WDR72: variants seen among roughly 807,000 people sequenced by gnomAD.
WDR72 encodes WD repeat domain 72.
In WDR72, 120 loss-of-function variants were observed where a neutral mutation model predicts 124.2. The observed-to-expected ratio is 0.97, with a 90% CI of 0.83 to 1.12. The LOEUF is 1.12. Ranked by LOEUF, WDR72 falls within the 50% of genes most tolerant of loss-of-function variation. WDR72 has a pLI of 0.00. For synonymous variants in WDR72, 452 were observed against 441.7 expected (o/e 1.02, Z -0.29); for missense variants, 1,387 against 1,278.8 (o/e 1.08, Z -1.29).
intron 1 of WDR72, among the ~76,000 whole-genome samples, chr15:53,751,239 T>C (rs1599432): frequency 0.39 from 57,407 of 146,714 alleles, 11,057 homozygotes; most frequent in Middle Eastern, 0.49. Context: ...TGAGACTACT[T>C]TAAAAAAAAA....
chr15:53,742,338 C>T (rs868040361), intron 1 of WDR72, among the ~76,000 whole-genome samples: 5 of 151,926 alleles, frequency 3.3e-5, no homozygotes, highest in Admixed American at 6.6e-5. Context: ...CTCTGTGGTG[C>T]GGAGGAGAAA....
At chr15:53,677,911 T>G (rs2016233013) in intron 13 of WDR72, among the ~76,000 whole-genome samples, 1 of 152,194 alleles carries the variant, frequency 6.6e-6, no homozygotes, top group South Asian at 2.1e-4. Flanking sequence ...TCCCGTTAAC[T>G]GCAAAGAAAT....
intron 18 of WDR72, among the ~76,000 whole-genome samples, chr15:53,531,959 G>T (rs905284050): frequency 4.6e-5 from 7 of 152,072 alleles, no homozygotes. Context: ...GAAAACAATC[G>T]TAAGGCAGAA....
chr15:53,653,139 T>C (rs1242142940), intron 14 of WDR72, among the ~76,000 whole-genome samples: 2 of 152,090 alleles, frequency 1.3e-5, no homozygotes, highest in African/African-American at 4.8e-5. Flanking sequence ...CTCTTACAAT[T>C]CAAAAAAGGA....
In WDR72 at chr15:53,532,621, G is replaced by A. The variant is rs116031528; in HGVS notation, c.3149-9299C>T. ...AACTCTTAGAGATAGAGAGTAGAAT[G>A]ATGGTAACTAAAAGAAGGTTAGTGG... On this transcript the variant is annotated intron_variant, in intron 18 of 19. Transcript: ENST00000360509. 8.0e-3 allele frequency among the ~76,000 whole-genome samples: 1,220 copies of A among 152,102 alleles called. 17 individuals are homozygous for A. The highest frequency in any genetic ancestry group is 0.028 in the African/African-American group (1,180 of 41,516).
chr15:53,609,567 C>G lies in WDR72; in HGVS notation c.2898G>C (p.Glu966Asp). 1 of 1,613,456 alleles carries G rather than the reference C, an allele frequency of 6.2e-7. No homozygotes were observed. Among genetic ancestry groups the G allele is most frequent in the Non-Finnish European group, 8.5e-7 (1 of 1,179,608 alleles). Residue 966 changes from glutamate (E) to aspartate (D), a missense_variant, in exon 17 of 20, where the codon GAG becomes GAC. Coordinates refer to ENST00000360509, the MANE Select transcript of WDR72 (RefSeq NM_182758.4). ...RNGKNESHVP[E>D]ADLSLLKLIS... ...TTAGCTTCAAAAGTGAAAGGTCAGC[C>G]TCAGGTACATGGGATTCATTCTTAC...
intron 7 of WDR72, 123 bp downstream of exon 7, chr15:53,712,649 C>T (rs2017578463): frequency 9.7e-7 from 1 of 1,033,060 alleles, no homozygotes; most frequent in Non-Finnish European, 1.4e-6. Context: ...CACATCATTC[C>T]ATGTTCTGGT....
chr15:53,658,503 G>A lies in WDR72; in HGVS notation c.1962+7069C>T, dbSNP rs145366250. Among the ~76,000 whole-genome samples, 312 of 152,250 alleles carry A rather than the reference G, an allele frequency of 2.0e-3. 8 individuals carry two copies. The highest frequency in any genetic ancestry group is 0.017 in the Admixed American group (264 of 15,282). On this transcript the variant is annotated intron_variant, in intron 14 of 19. Coordinates refer to ENST00000360509, the MANE Select transcript of WDR72 (RefSeq NM_182758.4). ...ACATGACTGGCTGTCAACATCTGTG[G>A]GTGTTGCTATGGGCACAGCCACAAA...
intron 18 of WDR72, among the ~76,000 whole-genome samples, chr15:53,561,412 T>C (rs1187089284): frequency 6.6e-6 from 1 of 151,794 alleles, no homozygotes; most frequent in African/African-American, 2.4e-5. Flanking sequence ...AAATTTAACA[T>C]AGTTTTACTT....
intron 12 of WDR72, among the ~76,000 whole-genome samples, chr15:53,701,468 G>A (rs1037884223): frequency 4.0e-5 from 6 of 151,834 alleles, no homozygotes; most frequent in African/African-American, 1.2e-4. Context: ...TGGAGCCCAG[G>A]AGGTTGAGGC....
chr15:53,662,309 A>G (rs1389664355), intron 14 of WDR72, among the ~76,000 whole-genome samples: 1 of 152,148 alleles, frequency 6.6e-6, no homozygotes, highest in Non-Finnish European at 1.5e-5. Flanking sequence ...AGCATTTCAA[A>G]TTGGAATTAT....
At chr15:53,760,678 T>A (rs1441164164), upstream of WDR72, among the ~76,000 whole-genome samples, 2 of 152,222 alleles carry the variant, frequency 1.3e-5, no homozygotes, top group Non-Finnish European at 2.9e-5. Flanking sequence ...ACTGATTTTC[T>A]TTCTTTTGGA....
Position 53,531,217 on chromosome 15 carries a change from T to C in WDR72, c.3149-7895A>G, listed in dbSNP as rs367878115. 2.4e-4 allele frequency among the ~76,000 whole-genome samples: 37 copies of C among 152,188 alleles called. 1 individual carries two copies. The East Asian group carries it at 7.2e-3, about 30-fold the overall frequency. ...ATTTGAATGACATCAAAGTGGTATG[T>C]TAGCTACTTAAAAACATATTGAGAT... On this transcript the variant is annotated intron_variant, in intron 18 of 19. Transcript: ENST00000360509.
chr15:53,586,595 T>C (rs1180272074), intron 18 of WDR72, among the ~76,000 whole-genome samples: 1 of 152,098 alleles, frequency 6.6e-6, no homozygotes, highest in Non-Finnish European at 1.5e-5. Flanking sequence ...TTTTAGAGTT[T>C]TCTTTGATGA....
chr15:53,732,790 A>T (rs1489189816), intron 2 of WDR72, among the ~76,000 whole-genome samples: 1 of 152,218 alleles, frequency 6.6e-6, no homozygotes, highest in Non-Finnish European at 1.5e-5. Context: ...AAGATTAGCA[A>T]TATTCATAAT....
At chr15:53,682,042 G>T (rs2016407268) in intron 13 of WDR72, among the ~76,000 whole-genome samples, 1 of 152,036 alleles carries the variant, frequency 6.6e-6, no homozygotes, top group East Asian at 1.9e-4. Context: ...TAAATTTGGG[G>T]GAAAAATTAC....
At chr15:53,663,620 C>T (rs879390949) in intron 14 of WDR72, among the ~76,000 whole-genome samples, 8 of 152,094 alleles carry the variant, frequency 5.3e-5, no homozygotes, top group Middle Eastern at 3.2e-3. Context: ...AGATTTGCTC[C>T]TGCAGACCCT....
chr15:53,638,201 C>G (rs1194165344), intron 14 of WDR72, among the ~76,000 whole-genome samples: 1 of 152,170 alleles, frequency 6.6e-6, no homozygotes, highest in African/African-American at 2.4e-5. Flanking sequence ...TGTCCAACCT[C>G]TTAGCTATAA....
intron 17 of WDR72, among the ~76,000 whole-genome samples, chr15:53,607,590 C>T (rs2013342280): frequency 6.6e-6 from 1 of 152,050 alleles, no homozygotes. Context: ...GGGGAGATCT[C>T]CAGGACATTG....
Sources: allele counts gnomAD v4.1 joint callset (sites outside exome capture counted in the v4.1 genomes callset), GRCh38; gene constraint gnomAD v4.1.1; transcripts MANE v1.5; gene names NCBI Gene and HGNC (gene_info 2026-07-23, HGNC 2026-07-21).